Variants in STXBP5L observed in about 807,000 individuals in gnomAD.
The protein encoded by STXBP5L is syntaxin-binding protein 5-like.
In STXBP5L, 65 loss-of-function variants were observed where a neutral mutation model predicts 144.5. The ratio of observed to expected loss-of-function variants is 0.45; its 90% confidence interval spans 0.37 to 0.55. The LOEUF (loss-of-function observed/expected upper bound fraction) is 0.55. STXBP5L is among the 20% of genes least tolerant of loss of function. STXBP5L has a pLI of 0.00. For synonymous variants in STXBP5L, 505 were observed against 469.6 expected (o/e 1.08, Z -0.97); for missense variants, 1,298 against 1,405.5 (o/e 0.92, Z 1.22).
intron 12 of STXBP5L, among the ~76,000 whole-genome samples, chr3:121,236,499 T>C (rs1320385951): frequency 6.6e-6 from 1 of 152,130 alleles, no homozygotes; most frequent in African/African-American, 2.4e-5. Context: ...AGAAATCACA[T>C]GGTGAGAAAG....
At chr3:121,227,284 T>A (rs2049150903) in intron 11 of STXBP5L, among the ~76,000 whole-genome samples, 1 of 152,178 alleles carries the variant, frequency 6.6e-6, no homozygotes, top group Non-Finnish European at 1.5e-5. Context: ...TTCATTTAAA[T>A]AATTCTGTTT....
intron 3 of STXBP5L, among the ~76,000 whole-genome samples, chr3:120,957,136 T>C (rs972772170): frequency 5.3e-5 from 8 of 151,938 alleles, no homozygotes; most frequent in Non-Finnish European, 8.8e-5. Flanking sequence ...TCATACATGT[T>C]AGGGTTTGTT....
chr3:121,099,788 C>T (rs1184522701), intron 5 of STXBP5L: 6 of 152,162 alleles, frequency 3.9e-5, no homozygotes, highest in Non-Finnish European at 2.9e-5. Flanking sequence ...AAAAATGCCC[C>T]ACTTAAAAGG....
At chr3:121,047,928 T>C (rs1277527521) in intron 5 of STXBP5L, among the ~76,000 whole-genome samples, 2 of 152,168 alleles carry the variant, frequency 1.3e-5, no homozygotes, top group African/African-American at 2.4e-5. Flanking sequence ...GTTTGTGTGG[T>C]TGCTTTATAG....
At chr3:121,357,538 C>T (rs1257155786) in intron 20 of STXBP5L, 1 of 152,328 alleles carries the variant, frequency 6.6e-6, no homozygotes, top group East Asian at 1.9e-4. Context: ...CTTGGTGCCA[C>T]TGGAGACTGG....
Position 121,351,787 on chromosome 3 carries a change from G to A in STXBP5L, c.2177-26929G>A, listed in dbSNP as rs1008326148. 1.3e-5 allele frequency among the ~76,000 whole-genome samples: 2 copies of A among 152,066 alleles called. 1 individual carries two copies. The highest frequency in any genetic ancestry group is 4.1e-4 in the South Asian group (2 of 4,824). Reference sequence around the variant, plus strand: ...CCCATGTCCTGAATGGTATTGCCTAGGTTTTCTTCTAGGGCTTTTATGGTT... The same window carrying A: ...CCCATGTCCTGAATGGTATTGCCTAAGTTTTCTTCTAGGGCTTTTATGGTT... On this transcript the variant is annotated intron_variant, in intron 20 of 26. Coordinates refer to ENST00000471454, the MANE Select transcript of STXBP5L (RefSeq NM_001308330.2).
intron 8 of STXBP5L, among the ~76,000 whole-genome samples, chr3:121,156,849 C>T (rs2046132012): frequency 6.6e-6 from 1 of 151,838 alleles, no homozygotes; most frequent in African/African-American, 2.4e-5. Context: ...GGAGGATATT[C>T]ATAGGTTGTA....
intron 9 of STXBP5L, among the ~76,000 whole-genome samples, chr3:121,204,276 A>G (rs1250261095): frequency 6.6e-6 from 1 of 152,182 alleles, no homozygotes; most frequent in Non-Finnish European, 1.5e-5. Context: ...TTCCTGAGCA[A>G]AAGTTTTCTC....
intron 19 of STXBP5L, among the ~76,000 whole-genome samples, chr3:121,296,540 A>G (rs935550277): frequency 1.3e-5 from 2 of 152,186 alleles, no homozygotes; most frequent in African/African-American, 4.8e-5. Context: ...ATCCTTTTCT[A>G]TGGGGCTATG....
intron 25 of STXBP5L, among the ~76,000 whole-genome samples, chr3:121,416,522 ATTT>A (rs1306139259): frequency 4.7e-5 from 7 of 149,044 alleles, no homozygotes; most frequent in Non-Finnish European, 7.4e-5. Flanking sequence ...TTATTTATTT[ATTT>A]GAGACAGAGT....
At chr3:121,172,688 C>G (rs2046771917) in intron 9 of STXBP5L, among the ~76,000 whole-genome samples, 1 of 152,132 alleles carries the variant, frequency 6.6e-6, no homozygotes, top group African/African-American at 2.4e-5. Flanking sequence ...ACAACAGATG[C>G]TGGAGAGGAT....
At chr3:121,050,000 A>G (rs1947838076) in intron 5 of STXBP5L, among the ~76,000 whole-genome samples, 1 of 151,882 alleles carries the variant, frequency 6.6e-6, no homozygotes, top group Non-Finnish European at 1.5e-5. Context: ...ACTCTCACTC[A>G]CTCACTGTTC....
intron 7 of STXBP5L, among the ~76,000 whole-genome samples, chr3:121,146,783 A>G (rs766222135): frequency 6.6e-6 from 1 of 152,074 alleles, no homozygotes; most frequent in African/African-American, 2.4e-5. Context: ...AGAAGATGTA[A>G]TAATCCTAAA....
chr3:121,067,737 G>C (rs1387638722), intron 5 of STXBP5L, among the ~76,000 whole-genome samples: 2 of 152,058 alleles, frequency 1.3e-5, no homozygotes, highest in East Asian at 3.9e-4. Context: ...ATAAATTTTA[G>C]AATTTCTCTT....
intron 6 of STXBP5L, among the ~76,000 whole-genome samples, chr3:121,117,268 T>G (rs2044272940): frequency 6.6e-6 from 1 of 151,886 alleles, no homozygotes; most frequent in African/African-American, 2.4e-5. Flanking sequence ...CTATTTTATA[T>G]ATAAACCTGT....
intron 20 of STXBP5L, among the ~76,000 whole-genome samples, chr3:121,343,292 T>A (rs952086804): frequency 6.6e-6 from 1 of 152,094 alleles, no homozygotes; most frequent in Admixed American, 6.6e-5. Flanking sequence ...ATTTTGTAGG[T>A]TGGCTGTTCA....
intron 3 of STXBP5L, among the ~76,000 whole-genome samples, chr3:121,015,282 G>T (rs1380910049): frequency 6.6e-6 from 1 of 152,134 alleles, no homozygotes; most frequent in Admixed American, 6.6e-5. Flanking sequence ...TAGATTTCTG[G>T]TTTCAACTTC....
chr3:121,247,467 C>T (rs2049891749), intron 14 of STXBP5L, among the ~76,000 whole-genome samples: 2 of 152,154 alleles, frequency 1.3e-5, no homozygotes, highest in Admixed American at 6.5e-5. Flanking sequence ...CCAAATCCCT[C>T]GCCTTCTCTC....
At chr3:121,057,050 A>G (rs1450492725) in intron 5 of STXBP5L, among the ~76,000 whole-genome samples, 1 of 151,466 alleles carries the variant, frequency 6.6e-6, no homozygotes, top group African/African-American at 2.4e-5. Flanking sequence ...TCTTTAGAAT[A>G]TATTATAAAG....
Sources: allele counts gnomAD v4.1 joint callset (sites outside exome capture counted in the v4.1 genomes callset), GRCh38; gene constraint gnomAD v4.1.1; transcripts MANE v1.5; gene names NCBI Gene and HGNC (gene_info 2026-07-23, HGNC 2026-07-21).